Variants in PPARGC1A observed in about 807,000 individuals in gnomAD.
PPARGC1A encodes PPARG coactivator 1 alpha.
A neutral mutation model predicts 88.7 loss-of-function variants in PPARGC1A; 25 were observed. That is an observed-to-expected ratio of 0.28 (90% CI 0.21 to 0.39). PPARGC1A has a LOEUF of 0.39. PPARGC1A is among the 10% of genes least tolerant of loss of function. PPARGC1A has a pLI of 1.00. For synonymous variants in PPARGC1A, 363 were observed against 355.6 expected (o/e 1.02, Z -0.24); for missense variants, 880 against 968.7 (o/e 0.91, Z 1.22).
the PPARGC1A span, among the ~76,000 whole-genome samples, chr4:24,210,456 G>A: frequency 6.6e-6 from 1 of 152,198 alleles, no homozygotes. Flanking sequence ...CATCTTAGCT[G>A]AGAAAGTACT....
chr4:23,975,181 C>G, the PPARGC1A span, among the ~76,000 whole-genome samples: 3 of 152,210 alleles, frequency 2.0e-5, no homozygotes, highest in Admixed American at 2.0e-4. Context: ...TGAAATCTAT[C>G]TTATTCAACT....
intron 2 of PPARGC1A, among the ~76,000 whole-genome samples, chr4:23,844,086 CT>C (rs1241025161): frequency 6.6e-6 from 1 of 150,756 alleles, no homozygotes; most frequent in Non-Finnish European, 1.5e-5. Context: ...TTTCTAGGAA[CT>C]TGCATTTTAG....
At chr4:23,835,518 G>A (rs1054718003) in intron 2 of PPARGC1A, among the ~76,000 whole-genome samples, 1 of 150,932 alleles carries the variant, frequency 6.6e-6, no homozygotes, top group Non-Finnish European at 1.5e-5. Context: ...TGGAGTATGT[G>A]GGTAGTAAGG....
At chr4:24,016,603 T>C in the PPARGC1A span, among the ~76,000 whole-genome samples, 2 of 152,132 alleles carry the variant, frequency 1.3e-5, no homozygotes, top group African/African-American at 4.8e-5. Context: ...TGAGACATGA[T>C]ACCATGAAAG....
At chr4:24,222,563 T>C in the PPARGC1A span, among the ~76,000 whole-genome samples, 1 of 152,210 alleles carries the variant, frequency 6.6e-6, no homozygotes, top group African/African-American at 2.4e-5. Context: ...ACTGAATCCC[T>C]CCTTTCATAT....
the PPARGC1A span, among the ~76,000 whole-genome samples, chr4:24,218,063 G>C: frequency 6.6e-6 from 1 of 152,200 alleles, no homozygotes; most frequent in African/African-American, 2.4e-5. Flanking sequence ...GCCTGGGAGA[G>C]AATGCTGGCG....
the PPARGC1A span, among the ~76,000 whole-genome samples, chr4:24,185,247 A>C: frequency 6.6e-5 from 10 of 152,308 alleles, no homozygotes; most frequent in South Asian, 1.4e-3. Flanking sequence ...TAAATAAATA[A>C]ATAAATAAAC....
the PPARGC1A span, among the ~76,000 whole-genome samples, chr4:24,048,193 T>C: frequency 2.0e-5 from 3 of 152,210 alleles, no homozygotes; most frequent in African/African-American, 7.2e-5. Flanking sequence ...ATTTATCTTT[T>C]TCGTCACCCT....
the PPARGC1A span, among the ~76,000 whole-genome samples, chr4:24,408,530 C>T: frequency 5.9e-5 from 9 of 152,336 alleles, 1 homozygote; most frequent in Admixed American, 3.3e-4. Context: ...TGCTTCTCTA[C>T]GACCTCTAAG....
the PPARGC1A span, among the ~76,000 whole-genome samples, chr4:24,052,000 G>C: frequency 6.6e-6 from 1 of 150,844 alleles, no homozygotes; most frequent in Non-Finnish European, 1.5e-5. Flanking sequence ...AACTACTCCA[G>C]GGTTGGGATA....
At chr4:24,271,450 T>G in the PPARGC1A span, among the ~76,000 whole-genome samples, 3 of 152,120 alleles carry the variant, frequency 2.0e-5, no homozygotes, top group South Asian at 6.2e-4. Flanking sequence ...CAATCTCAGC[T>G]CACTGTAAGC....
chr4:24,326,751 G>A, the PPARGC1A span, among the ~76,000 whole-genome samples: 2 of 152,290 alleles, frequency 1.3e-5, no homozygotes, highest in African/African-American at 4.8e-5. Flanking sequence ...GGCATGTTTA[G>A]TGCGGTCAGA....
At chr4:23,820,171 C>T (rs945055281) in intron 7 of PPARGC1A, among the ~76,000 whole-genome samples, 11 of 151,908 alleles carry the variant, frequency 7.2e-5, no homozygotes, top group Non-Finnish European at 1.5e-4. Flanking sequence ...CTGATTAAAG[C>T]GTAGAGAAAA....
chr4:24,274,475 T>TA, the PPARGC1A span, among the ~76,000 whole-genome samples: 1 of 152,202 alleles, frequency 6.6e-6, no homozygotes, highest in African/African-American at 2.4e-5. Context: ...GCTGTTGTAG[T>TA]AGAGAAGCAG....
the PPARGC1A span, among the ~76,000 whole-genome samples, chr4:23,977,347 A>G: frequency 1.3e-5 from 2 of 152,228 alleles, no homozygotes; most frequent in Non-Finnish European, 2.9e-5. Context: ...ATTCACTGAA[A>G]TTAAATCCAA....
chr4:23,834,574 A>G (rs750224220), intron 2 of PPARGC1A, among the ~76,000 whole-genome samples: 1 of 152,124 alleles, frequency 6.6e-6, no homozygotes, highest in African/African-American at 2.4e-5. Flanking sequence ...GGTGCCACCT[A>G]CTTCCATAAA....
intron 12 of PPARGC1A, among the ~76,000 whole-genome samples, chr4:23,797,691 C>T (rs547038208): frequency 1.6e-4 from 24 of 147,768 alleles, no homozygotes; most frequent in African/African-American, 6.0e-4. Context: ...TATACAGGCA[C>T]ACTGTTACTC....
At chr4:24,304,670 A>G in the PPARGC1A span, among the ~76,000 whole-genome samples, 263 of 152,256 alleles carry the variant, frequency 1.7e-3, 1 homozygote, top group African/African-American at 6.2e-3. Context: ...TTGGATGACC[A>G]CTTGTTTCAC....
chr4:24,321,951 A>G, the PPARGC1A span, among the ~76,000 whole-genome samples: 1 of 152,242 alleles, frequency 6.6e-6, no homozygotes, highest in Non-Finnish European at 1.5e-5. Flanking sequence ...GCTCAAATCA[A>G]AAATCTCACG....
Sources: gnomAD v4.1 joint callset for allele counts (sites outside exome capture counted in the v4.1 genomes callset) on GRCh38, gnomAD v4.1.1 for gene constraint, MANE v1.5 for transcripts, NCBI Gene and HGNC (gene_info 2026-07-23, HGNC 2026-07-21) for gene names.